ENOX1: variants seen among roughly 807,000 people sequenced by gnomAD.
ENOX1 encodes ecto-NOX disulfide-thiol exchanger 1, also known as candidate growth-related and time keeping constitutive hydroquinone (NADH) oxidase.
ENOX1 carries 42 observed loss-of-function variants against 82.5 expected under a neutral mutation model. The ratio of observed to expected loss-of-function variants is 0.51; its 90% CI spans 0.40 to 0.66. ENOX1 has a LOEUF of 0.66. Ranked by LOEUF, ENOX1 falls within the 30% of genes least tolerant of loss-of-function variation. The pLI is 0.00. For synonymous variants in ENOX1, 271 were observed against 282.2 expected (o/e 0.96, Z 0.40); for missense variants, 608 against 811.6 (o/e 0.75, Z 3.05).
chr13:43,753,379 A>G (rs1320376563), intron 1 of ENOX1, among the ~76,000 whole-genome samples: 1 of 152,214 alleles, frequency 6.6e-6, no homozygotes, highest in Non-Finnish European at 1.5e-5. Context: ...CGGCTTCTGC[A>G]CATTCTTGTC....
At chr13:43,290,230 A>C (rs1287464528) in intron 12 of ENOX1, among the ~76,000 whole-genome samples, 2 of 152,214 alleles carry the variant, frequency 1.3e-5, no homozygotes, top group African/African-American at 4.8e-5. Flanking sequence ...CTGCGTGTAT[A>C]CGTAAAGGCA....
intron 1 of ENOX1, among the ~76,000 whole-genome samples, chr13:43,682,439 T>C (rs1241335059): frequency 6.6e-6 from 1 of 152,204 alleles, no homozygotes; most frequent in Non-Finnish European, 1.5e-5. Context: ...GAACCATGCT[T>C]GGTAAGTATT....
intron 10 of ENOX1, among the ~76,000 whole-genome samples, chr13:43,323,534 T>C (rs1048493877): frequency 6.6e-6 from 1 of 152,238 alleles, no homozygotes; most frequent in Non-Finnish European, 1.5e-5. Context: ...ATACTTATGC[T>C]AAGTATTTAT....
chr13:43,782,624 A>G (rs1220826396), intron 1 of ENOX1, among the ~76,000 whole-genome samples: 2 of 152,196 alleles, frequency 1.3e-5, no homozygotes, highest in East Asian at 3.8e-4. Context: ...CAATCAGTCA[A>G]TGTCAAGGTT....
intron 1 of ENOX1, among the ~76,000 whole-genome samples, chr13:43,704,220 CAG>C (rs1220327640): frequency 6.6e-6 from 1 of 151,794 alleles, no homozygotes; most frequent in African/African-American, 2.4e-5. Context: ...ACATAATAAA[CAG>C]AAAATATATA....
intron 5 of ENOX1, among the ~76,000 whole-genome samples, chr13:43,380,972 A>G (rs1354495267): frequency 6.6e-6 from 1 of 151,828 alleles, no homozygotes; most frequent in African/African-American, 2.4e-5. Flanking sequence ...AGAAATTTCA[A>G]CAACCCTCTC....
At position 43,213,875 on chromosome 13, in the gene ENOX1, C is replaced by A. The variant is rs759860741; in HGVS notation, c.*115G>T. On this transcript the variant is annotated 3_prime_UTR_variant, in exon 17 of 17. Transcript: ENST00000690772. ...CACAGATATAACTAAAGGCAGGCTT[C>A]GATGGCTCCACAAAGGTTGCGTGCT... is the stretch of plus-strand genomic sequence containing the variant. The A allele has an allele frequency of 7.6e-6, 9 of 1,185,388 alleles. No homozygotes were observed. The Admixed American group carries it at 9.9e-5, about 13-fold the overall frequency. 73.4% of individuals were successfully genotyped at this position (1,185,388 alleles called of 1,614,324 possible). A position where few individuals can be genotyped will look rare whatever the true frequency, so the allele number is the denominator to read the frequency against.
intron 14 of ENOX1, among the ~76,000 whole-genome samples, chr13:43,256,589 G>A (rs1430971700): frequency 6.6e-6 from 1 of 152,156 alleles, no homozygotes; most frequent in East Asian, 1.9e-4. Context: ...TCAGGGAAAT[G>A]CAAATCAAAA....
At chr13:43,380,391 C>T (rs1275211514) in intron 5 of ENOX1, among the ~76,000 whole-genome samples, 1 of 151,172 alleles carries the variant, frequency 6.6e-6, no homozygotes, top group Non-Finnish European at 1.5e-5. Flanking sequence ...AAACATAATA[C>T]AAAAGTATAT....
intron 3 of ENOX1, among the ~76,000 whole-genome samples, chr13:43,418,075 G>T (rs1269775396): frequency 6.6e-6 from 1 of 152,094 alleles, no homozygotes; most frequent in Non-Finnish European, 1.5e-5. Context: ...CAGCAATGGT[G>T]GCGCATGCCT....
intron 3 of ENOX1, among the ~76,000 whole-genome samples, chr13:43,448,187 C>T (rs1000151752): frequency 6.6e-6 from 1 of 152,174 alleles, no homozygotes; most frequent in Non-Finnish European, 1.5e-5. Flanking sequence ...AAAACATGTT[C>T]TCTTATTAGT....
chr13:43,488,842 T>C (rs1566360520), intron 2 of ENOX1, among the ~76,000 whole-genome samples: 1 of 152,294 alleles, frequency 6.6e-6, no homozygotes, highest in Admixed American at 6.5e-5. Flanking sequence ...GCCGTCTTTG[T>C]TATAAAATGG....
intron 1 of ENOX1, among the ~76,000 whole-genome samples, chr13:43,755,619 T>A (rs1270424682): frequency 6.6e-6 from 1 of 152,168 alleles, no homozygotes; most frequent in Non-Finnish European, 1.5e-5. Context: ...ATAAGCAAAC[T>A]AAAATCATCA....
chr13:43,378,945 A>T (rs2051834497), intron 5 of ENOX1, among the ~76,000 whole-genome samples: 1 of 152,202 alleles, frequency 6.6e-6, no homozygotes, highest in Non-Finnish European at 1.5e-5. Flanking sequence ...TAATCACAAG[A>T]GTCCTAAAAA....
At chr13:43,647,062 CT>C (rs2083927461) in intron 2 of ENOX1, among the ~76,000 whole-genome samples, 1 of 152,166 alleles carries the variant, frequency 6.6e-6, no homozygotes, top group Non-Finnish European at 1.5e-5. Context: ...CATTCTGGCC[CT>C]CTCAGAGGCG....
chr13:43,711,002 G>A (rs1044881638), intron 1 of ENOX1, among the ~76,000 whole-genome samples: 1 of 151,656 alleles, frequency 6.6e-6, no homozygotes, highest in African/African-American at 2.4e-5. Flanking sequence ...TGCCATGTTG[G>A]TGTGCTGCTG....
At position 43,397,711 on chromosome 13, in the gene ENOX1, C is replaced by T. The variant is rs117268346; in HGVS notation, c.208+14205G>A. On this transcript the variant is annotated intron_variant, in intron 5 of 16. Transcript: ENST00000690772. ...TATGATAGATAGCAAGATAATGTCCCTGTTAAAGAGGAAAATATAGTTTAT... is the reference window on the plus strand; with the variant it reads ...TATGATAGATAGCAAGATAATGTCCTTGTTAAAGAGGAAAATATAGTTTAT... Among the ~76,000 whole-genome samples the T allele has an allele frequency of 3.7e-3, 566 of 152,254 alleles. 5 individuals are homozygous for T. Among genetic ancestry groups the T allele is most frequent in the Middle Eastern group, 0.014 (4 of 294 alleles).
intron 1 of ENOX1, among the ~76,000 whole-genome samples, chr13:43,696,301 T>G (rs2086636696): frequency 6.6e-6 from 1 of 152,254 alleles, no homozygotes; most frequent in Non-Finnish European, 1.5e-5. Context: ...TTCAGTTCTC[T>G]TGGATACATA....
At chr13:43,510,055 T>G (rs901372861) in intron 2 of ENOX1, among the ~76,000 whole-genome samples, 1 of 151,990 alleles carries the variant, frequency 6.6e-6, no homozygotes, top group Admixed American at 6.6e-5. Flanking sequence ...TCTGTACATA[T>G]GTATAGATCT....
Sources: allele counts gnomAD v4.1 joint callset (sites outside exome capture counted in the v4.1 genomes callset), GRCh38; gene constraint gnomAD v4.1.1; transcripts MANE v1.5; gene names NCBI Gene and HGNC (gene_info 2026-07-23, HGNC 2026-07-21).